Variants in WBP1L observed in about 807,000 individuals in gnomAD.
The protein encoded by WBP1L is WW domain binding protein 1 like.
WBP1L carries 17 observed loss-of-function variants against 33.7 expected under a neutral mutation model. That is an observed-to-expected ratio of 0.50 (90% CI 0.34 to 0.76). The LOEUF (loss-of-function observed/expected upper bound fraction) is 0.76, where lower values mean the gene tolerates loss of function less well. Among genes scored for constraint, WBP1L ranks in the 30% least tolerant of loss-of-function variants. The pLI is 0.01. For synonymous variants in WBP1L, 173 were observed against 190.8 expected, an observed-to-expected ratio of 0.91 and a Z score of 0.77; for missense variants, 389 against 469.4, an observed-to-expected ratio of 0.83 and a Z score of 1.58.
At chr10:102,796,375 C>A (rs926982595) in intron 1 of WBP1L, among the ~76,000 whole-genome samples, 2 of 152,190 alleles carry the variant, frequency 1.3e-5, no homozygotes, top group African/African-American at 4.8e-5. Context: ...AGCCGGGGAA[C>A]TGGTTTTCAG....
At position 102,812,737 on chromosome 10, in the gene WBP1L, G is replaced by A. The variant is rs781174521; in HGVS notation, c.498G>A (p.Pro166=). The A allele has an allele frequency of 6.8e-6, 11 of 1,613,788 alleles. No individual in the cohort carries two copies. Among genetic ancestry groups the A allele is most frequent in the Non-Finnish European group, 6.8e-6 (8 of 1,179,930 alleles). Residue 166 remains proline, a synonymous_variant, in exon 4 of 4, where the codon CCG becomes CCA. Coordinates refer to ENST00000448841, the MANE Select transcript of WBP1L (RefSeq NM_001083913.2). The part of the protein sequence containing the change: ...PQCGPAGGSP[P]GIDPTRGSQG... ...GTGGCCCTGCAGGTGGCAGTCCCCCGGGCATCGATCCCACCAGGGGATCCC... is the reference window on the plus strand; with the variant it reads ...GTGGCCCTGCAGGTGGCAGTCCCCCAGGCATCGATCCCACCAGGGGATCCC...
chr10:102,772,126 T>G (rs891908220), intron 1 of WBP1L, among the ~76,000 whole-genome samples: 21 of 151,240 alleles, frequency 1.4e-4, no homozygotes, highest in Non-Finnish European at 2.7e-4. Flanking sequence ...CGCTGGTTAA[T>G]TTTTTGTATT....
rs377211700 is a variant in WBP1L, at chr10:102,757,876, TCCC to T, written c.90+13742_90+13744del. On this transcript the variant is annotated intron_variant, in intron 1 of 3. Transcript: ENST00000448841. ...ACAGCATGAGCCACTGTACCTGCCC[TCCC>T]CCCCCCCCTTTTTTTTTTTTTTTTG... Among the ~76,000 whole-genome samples, 6 of 39,164 alleles carry T rather than the reference TCCC, an allele frequency of 1.5e-4. 1 individual carries two copies. In the East Asian group the frequency reaches 3.8e-3, roughly 25 times the overall value. The allele number at this position is 39,164 out of a possible 152,430, so 25.7% of individuals were successfully genotyped here.
chr10:102,769,052 A>T (rs1432654112), intron 1 of WBP1L, among the ~76,000 whole-genome samples: 2 of 152,046 alleles, frequency 1.3e-5, no homozygotes, highest in African/African-American at 2.4e-5. Context: ...TGGTATAATC[A>T]CAGCTCACTA....
intron 1 of WBP1L, among the ~76,000 whole-genome samples, chr10:102,771,279 C>T (rs867938228): frequency 2.6e-5 from 4 of 152,146 alleles, no homozygotes; most frequent in South Asian, 4.1e-4. Context: ...TAATCCGGTA[C>T]GGCACAGTGG....
chr10:102,747,904 A>T (rs1842883257), intron 1 of WBP1L, among the ~76,000 whole-genome samples: 1 of 152,048 alleles, frequency 6.6e-6, no homozygotes, highest in South Asian at 2.1e-4. Context: ...TAACTCAGCC[A>T]GTGGTTTAGG....
Position 102,812,949 on chromosome 10 carries a change from C to T in WBP1L, c.710C>T (p.Ala237Val). 1.2e-6 allele frequency: 2 copies of T among 1,602,758 alleles called. No homozygotes were observed. Among genetic ancestry groups the T allele is most frequent in the Non-Finnish European group, 1.7e-6 (2 of 1,172,036 alleles). ...CCGGGGGCCTTCCTGGACAAAGATG[C>T]AGAATGTAGGGAGGAGCTGCTGAAA... The part of the protein sequence containing the change: ...LDPGAFLDKD[A>V]ECREELLKDD... The change falls in exon 4 of 4, where the codon GCA (alanine) becomes GTA (valine). Residue 237 changes from alanine (A) to valine (V), a missense_variant. By Grantham distance (64) the Ala-to-Val change is moderately conservative (BLOSUM62 0). Transcript: ENST00000448841.
In WBP1L at chr10:102,812,880, G is replaced by T; in HGVS notation, c.641G>T (p.Gly214Val). 3 of 1,574,462 alleles carry T rather than the reference G, an allele frequency of 1.9e-6. No homozygotes were observed. Among genetic ancestry groups the T allele is most frequent in the Non-Finnish European group, 2.6e-6 (3 of 1,158,208 alleles). ...PVDRAATKAP[G>V]MEPSGSVAGL... ...GACCGAGCAGCCACCAAAGCCCCAG[G>T]GATGGAGCCCAGTGGCTCTGTGGCT... is the stretch of plus-strand genomic sequence containing the variant. Residue 214 changes from glycine to valine, a missense_variant, in exon 4 of 4, where the codon GGG becomes GTG. By Grantham distance (109) the Gly-to-Val change is moderately radical. Coordinates refer to ENST00000448841, the MANE Select transcript of WBP1L (RefSeq NM_001083913.2).
chr10:102,760,375 T>C (rs1843022018), intron 1 of WBP1L, among the ~76,000 whole-genome samples: 1 of 81,674 alleles, frequency 1.2e-5, no homozygotes, highest in African/African-American at 5.2e-5. Flanking sequence ...TTTCTTTCTT[T>C]CTTTTTTTTT....
intron 1 of WBP1L, among the ~76,000 whole-genome samples, chr10:102,772,122 TTAA>T (rs1843194850): frequency 6.6e-6 from 1 of 150,602 alleles, no homozygotes; most frequent in African/African-American, 2.4e-5. Context: ...ACCACGCTGG[TTAA>T]TTTTTTGTAT....
intron 1 of WBP1L, among the ~76,000 whole-genome samples, chr10:102,785,262 A>G (rs778924310): frequency 2.8e-5 from 4 of 144,990 alleles, no homozygotes; most frequent in Non-Finnish European, 4.5e-5. Context: ...ATTTCGGCTC[A>G]CTGCAAGCTC....
intron 1 of WBP1L, among the ~76,000 whole-genome samples, chr10:102,759,841 G>A (rs1185578930): frequency 2.0e-5 from 3 of 152,152 alleles, no homozygotes; most frequent in African/African-American, 7.2e-5. Context: ...TGATGTACAA[G>A]TTTTTATGTG....
chr10:102,776,392 T>C, intron 1 of WBP1L: 1 of 1,614,194 alleles, frequency 6.2e-7, no homozygotes, highest in Non-Finnish European at 8.5e-7. Context: ...TCTTGCAGGA[T>C]GCCTTTCCTT....
At chr10:102,781,818 C>T (rs546357963) in intron 1 of WBP1L, among the ~76,000 whole-genome samples, 1 of 139,168 alleles carries the variant, frequency 7.2e-6, no homozygotes, top group Admixed American at 8.5e-5. Flanking sequence ...CTACTGTCAC[C>T]ACAGGTGAGA....
At chr10:102,754,027 C>T (rs143073102) in intron 1 of WBP1L, among the ~76,000 whole-genome samples, 35 of 152,224 alleles carry the variant, frequency 2.3e-4, no homozygotes, top group African/African-American at 7.5e-4. Context: ...TTTAAAATTC[C>T]ACCTGACAGT....
chr10:102,813,873 G>A lies in WBP1L; in HGVS notation c.*542G>A, dbSNP rs1843887824. 1 of 154,900 alleles carries A rather than the reference G, an allele frequency of 6.5e-6. No homozygotes were observed. Among genetic ancestry groups the A allele is most frequent in the African/African-American group, 2.4e-5 (1 of 41,458 alleles). The allele number at this position is 154,900 out of a possible 1,614,324, so 9.6% of individuals were successfully genotyped here. Reference sequence around the variant, plus strand: ...TTGAGCTAATCCTGTGGGAGGATGAGAGCTACTGGGCCGTTGTATGATAGG... The same window carrying A: ...TTGAGCTAATCCTGTGGGAGGATGAAAGCTACTGGGCCGTTGTATGATAGG... On this transcript the variant is annotated 3_prime_UTR_variant, in exon 4 of 4. Coordinates refer to ENST00000448841, the MANE Select transcript of WBP1L (RefSeq NM_001083913.2).
intron 1 of WBP1L, among the ~76,000 whole-genome samples, chr10:102,768,690 G>GTTT (rs1249703194): frequency 6.8e-4 from 8 of 11,826 alleles, no homozygotes; most frequent in Non-Finnish European, 1.1e-3. Context: ...CGCCCGGCCA[G>GTTT]TTTTTTTTTT....
At chr10:102,744,476 C>G in intron 1 of WBP1L, 1 of 985,186 alleles carries the variant, frequency 1.0e-6, no homozygotes, top group Middle Eastern at 5.2e-4. Flanking sequence ...GAGCAGGTGT[C>G]CCAGGCAGTA....
intron 1 of WBP1L, chr10:102,775,984 A>T: frequency 1.8e-6 from 1 of 563,904 alleles, no homozygotes; most frequent in Non-Finnish European, 2.2e-6. Context: ...TGCAGCCCCC[A>T]CCATCCTCCC....
Sources: gnomAD v4.1 joint callset for allele counts (sites outside exome capture counted in the v4.1 genomes callset) on GRCh38, gnomAD v4.1.1 for gene constraint, MANE v1.5 for transcripts, NCBI Gene and HGNC (gene_info 2026-07-23, HGNC 2026-07-21) for gene names.